The following RGS7 variants were observed in gnomAD, a reference collection of about 807,000 sequenced individuals.
The protein encoded by RGS7 is regulator of G-protein signaling 7.
In RGS7, 27 loss-of-function variants were observed where a neutral mutation model predicts 81.1. The observed-to-expected ratio is 0.33, with a 90% confidence interval of 0.25 to 0.46. The LOEUF (loss-of-function observed/expected upper bound fraction) is 0.46. Ranked by LOEUF, RGS7 falls within the 20% of genes least tolerant of loss-of-function variation. The probability of loss-of-function intolerance (pLI) is 1.00; values close to 1 mark genes in which losing one functional copy is unlikely to be tolerated. For missense variants in RGS7, 396 were observed against 607.4 expected, an observed-to-expected ratio of 0.65 and a Z score of 3.66; for synonymous variants, 208 against 207.7, an observed-to-expected ratio of 1.00 and a Z score of -0.01.
chr1:240,888,862 C>T (rs544139974), intron 6 of RGS7, among the ~76,000 whole-genome samples: 1 of 152,046 alleles, frequency 6.6e-6, no homozygotes, highest in East Asian at 1.9e-4. Flanking sequence ...TTAGGGAACG[C>T]GGAGGCAGAG....
At chr1:241,289,500 CAACCA>C (rs2078986002) in intron 2 of RGS7, among the ~76,000 whole-genome samples, 1 of 152,128 alleles carries the variant, frequency 6.6e-6, no homozygotes, top group Admixed American at 6.5e-5. Flanking sequence ...TTGTGTGCCC[CAACCA>C]AAAATCAGGT....
At chr1:241,349,369 G>A (rs1488243970) in intron 2 of RGS7, among the ~76,000 whole-genome samples, 1 of 152,136 alleles carries the variant, frequency 6.6e-6, no homozygotes, top group African/African-American at 2.4e-5. Flanking sequence ...TAGGAACCCA[G>A]CTAATTTCAC....
At chr1:240,818,159 CT>C (rs1333509275) in intron 10 of RGS7, among the ~76,000 whole-genome samples, 2 of 152,066 alleles carry the variant, frequency 1.3e-5, no homozygotes, top group African/African-American at 4.8e-5. Context: ...TTTGAATTTA[CT>C]CTGAACAGGA....
chr1:241,059,441 C>T (rs192080355), intron 3 of RGS7, among the ~76,000 whole-genome samples: 3 of 152,248 alleles, frequency 2.0e-5, no homozygotes, highest in African/African-American at 7.2e-5. Flanking sequence ...AATCCACACT[C>T]TAGGAATGGA....
chr1:240,814,180 T>C (rs1690381901), intron 12 of RGS7, among the ~76,000 whole-genome samples: 1 of 152,158 alleles, frequency 6.6e-6, no homozygotes, highest in Admixed American at 6.6e-5. Context: ...TATATAAAAA[T>C]TTTAAAAAGG....
chr1:241,128,992 G>A (rs12067659), intron 2 of RGS7, among the ~76,000 whole-genome samples: 17,905 of 151,988 alleles, frequency 0.12, 3,484 homozygotes, highest in African/African-American at 0.4. Flanking sequence ...AAATGTTAAC[G>A]GAAGGACAAC....
chr1:240,783,942 G>A (rs970132224), intron 18 of RGS7, among the ~76,000 whole-genome samples: 26 of 150,946 alleles, frequency 1.7e-4, no homozygotes, highest in Non-Finnish European at 3.1e-4. Flanking sequence ...TTGGGAGGCC[G>A]AGGTGGGCGG....
intron 3 of RGS7, among the ~76,000 whole-genome samples, chr1:241,038,767 G>T (rs539537983): frequency 6.6e-6 from 1 of 152,156 alleles, no homozygotes; most frequent in Non-Finnish European, 1.5e-5. Flanking sequence ...AAGGTGGGAG[G>T]ACTGCTTAAG....
Position 241,017,106 on chromosome 1 carries a change from C to G in RGS7, c.176-33977G>C, listed in dbSNP as rs529902159. ...TATTACAAGTGCAGGTACCTAATAA[C>G]AAAGACTTCCTAATTCCTCCCTTCC... On this transcript the variant is annotated intron_variant, in intron 3 of 18. Transcript: ENST00000440928. Among the ~76,000 whole-genome samples the G allele has an allele frequency of 3.9e-5, 6 of 152,290 alleles. No individual in the cohort carries two copies. The East Asian group carries it at 9.7e-4, about 25-fold the overall frequency.
chr1:241,130,449 A>C (rs1352808153), intron 2 of RGS7, among the ~76,000 whole-genome samples: 1 of 152,136 alleles, frequency 6.6e-6, no homozygotes, highest in Non-Finnish European at 1.5e-5. Context: ...ACACATTAAA[A>C]AATGTCCTGG....
chr1:241,114,457 CTT>C lies in RGS7; in HGVS notation c.79-15697_79-15696del, dbSNP rs577086327. 2.5e-3 allele frequency among the ~76,000 whole-genome samples: 369 copies of C among 147,148 alleles called. 3 individuals carry two copies. Among genetic ancestry groups the C allele is most frequent in the Non-Finnish European group, 4.4e-3 (299 of 67,978 alleles). On this transcript the variant is annotated intron_variant, in intron 2 of 18. Coordinates refer to ENST00000440928, the MANE Select transcript of RGS7 (RefSeq NM_001364886.1). ...AGCAAGTGCTGAATACATAGCCTTTCTTTGTTTTCATTTTGGTGACCTTCATT... is the reference window on the plus strand; with the variant it reads ...AGCAAGTGCTGAATACATAGCCTTTCTGTTTTCATTTTGGTGACCTTCATT...
At position 241,215,690 on chromosome 1, in the gene RGS7, T is replaced by A. The variant is rs1035165587; in HGVS notation, c.79-116928A>T. Among the ~76,000 whole-genome samples, 9 of 152,316 alleles carry A rather than the reference T, an allele frequency of 5.9e-5. No homozygotes were observed. In the South Asian group the frequency reaches 1.7e-3, roughly 28 times the overall value. On this transcript the variant is annotated intron_variant, in intron 2 of 18. Transcript: ENST00000440928. ...CCAAGAGATATTATTCGGGAAGTCC[T>A]CGTAGGGGAAAAAAACAGTGTGTAT...
At chr1:241,190,056 TGG>T (rs2072505628) in intron 2 of RGS7, among the ~76,000 whole-genome samples, 1 of 151,966 alleles carries the variant, frequency 6.6e-6, no homozygotes, top group Non-Finnish European at 1.5e-5. Flanking sequence ...TGAGCCGAGA[TGG>T]CGCCACTGCA....
chr1:241,316,554 G>A (rs1372719124), intron 2 of RGS7, among the ~76,000 whole-genome samples: 2 of 152,212 alleles, frequency 1.3e-5, no homozygotes, highest in Non-Finnish European at 2.9e-5. Flanking sequence ...CCAAATGTAA[G>A]TATTTCACAA....
At chr1:241,026,578 G>A (rs556688161) in intron 3 of RGS7, among the ~76,000 whole-genome samples, 2 of 151,548 alleles carry the variant, frequency 1.3e-5, no homozygotes, top group African/African-American at 4.8e-5. Context: ...GACAGAGTGA[G>A]ACTCTGTCTC....
chr1:240,974,036 A>C (rs950772374), intron 4 of RGS7, among the ~76,000 whole-genome samples: 3 of 152,222 alleles, frequency 2.0e-5, no homozygotes, highest in African/African-American at 7.2e-5. Context: ...CTTCTTCAGA[A>C]GACTTGTGGC....
intron 2 of RGS7, among the ~76,000 whole-genome samples, chr1:241,275,171 G>C (rs2078127121): frequency 6.6e-6 from 1 of 152,148 alleles, no homozygotes; most frequent in Non-Finnish European, 1.5e-5. Flanking sequence ...GTTCAGCTCT[G>C]GTTGGGGGAA....
At chr1:241,015,534 T>C (rs1214382903) in intron 3 of RGS7, among the ~76,000 whole-genome samples, 2 of 152,210 alleles carry the variant, frequency 1.3e-5, no homozygotes, top group African/African-American at 2.4e-5. Flanking sequence ...ACAAAGTACA[T>C]ACTAGAAGCT....
At chr1:241,292,339 C>T (rs1329636348) in intron 2 of RGS7, among the ~76,000 whole-genome samples, 25 of 152,068 alleles carry the variant, frequency 1.6e-4, no homozygotes, top group Non-Finnish European at 3.5e-4. Context: ...ATTGTATGTG[C>T]TACACTTTTA....
Sources: allele counts gnomAD v4.1 joint callset (sites outside exome capture counted in the v4.1 genomes callset), GRCh38; gene constraint gnomAD v4.1.1; transcripts MANE v1.5; gene names NCBI Gene and HGNC (gene_info 2026-07-23, HGNC 2026-07-21).